Variants in RAPGEF2 observed in about 807,000 individuals in gnomAD.
RAPGEF2 encodes the protein Rap guanine nucleotide exchange factor 2.
A neutral mutation model predicts 186.7 loss-of-function variants in RAPGEF2; 54 were observed. The observed-to-expected ratio is 0.29, with a 90% CI of 0.23 to 0.36. RAPGEF2 has a LOEUF of 0.36. RAPGEF2 is among the 10% of genes least tolerant of loss of function. The pLI, the probability that RAPGEF2 is intolerant of heterozygous loss-of-function variation, is 1.00. For synonymous variants in RAPGEF2, 712 were observed against 705.9 expected (o/e 1.01, Z -0.14); for missense variants, 1,532 against 2,045.0 (o/e 0.75, Z 4.84).
rs189821801 is a variant in RAPGEF2 at position 159,202,584 on chromosome 4, A to G, written c.198-7916A>G. ...TTCAACTCTCTTTTCTCTCCTTGTC[A>G]GTCCCCCTTGGCTTTTCTTTCTTTC... On this transcript the variant is annotated intron_variant, in intron 3 of 29. Transcript: ENST00000691494. Among the ~76,000 whole-genome samples, 53 of 152,066 alleles carry G rather than the reference A, an allele frequency of 3.5e-4. No homozygotes were observed. The East Asian group carries it at 8.9e-3, about 26-fold the overall frequency.
intron 1 of RAPGEF2, among the ~76,000 whole-genome samples, chr4:159,178,912 G>C (rs1345642623): frequency 6.6e-6 from 1 of 152,152 alleles, no homozygotes; most frequent in Non-Finnish European, 1.5e-5. Context: ...TGGATAGGTT[G>C]TGAACAATCA....
chr4:159,246,153 A>G (rs543480597), intron 7 of RAPGEF2, among the ~76,000 whole-genome samples: 1 of 152,186 alleles, frequency 6.6e-6, no homozygotes, highest in Non-Finnish European at 1.5e-5. Flanking sequence ...GTCCTTTTCT[A>G]CAGTGTGAAT....
chr4:159,178,080 C>T (rs543350247), intron 1 of RAPGEF2, among the ~76,000 whole-genome samples: 1 of 152,220 alleles, frequency 6.6e-6, no homozygotes, highest in South Asian at 2.1e-4. Flanking sequence ...GTTTCCTTGA[C>T]CATTAAGAAA....
chr4:159,297,219 C>T (rs1193047185), intron 7 of RAPGEF2, among the ~76,000 whole-genome samples: 3 of 152,140 alleles, frequency 2.0e-5, no homozygotes, highest in Admixed American at 6.5e-5. Flanking sequence ...TAGCAAGGAA[C>T]GTTTGAAATG....
intron 7 of RAPGEF2, among the ~76,000 whole-genome samples, chr4:159,281,473 C>G (rs187428084): frequency 6.6e-6 from 1 of 151,234 alleles, no homozygotes; most frequent in South Asian, 2.1e-4. Context: ...AGTTCAAGAC[C>G]AGCCTGGCCA....
chr4:159,227,350 A>G (rs1752148062), intron 4 of RAPGEF2, among the ~76,000 whole-genome samples: 1 of 152,252 alleles, frequency 6.6e-6, no homozygotes. Context: ...TTTATAAAAA[A>G]TAAGGTCATT....
chr4:159,133,853 G>C (rs932446511), intron 1 of RAPGEF2, among the ~76,000 whole-genome samples: 1 of 152,168 alleles, frequency 6.6e-6, no homozygotes, highest in African/African-American at 2.4e-5. Context: ...AAAGTCCTGG[G>C]ATTACAGGCG....
intron 3 of RAPGEF2, among the ~76,000 whole-genome samples, chr4:159,203,966 C>G (rs1432666624): frequency 1.3e-5 from 2 of 152,208 alleles, no homozygotes. Flanking sequence ...TGCTCCAGAA[C>G]CTGCGCTCTT....
intron 2 of RAPGEF2, among the ~76,000 whole-genome samples, chr4:159,188,248 A>G (rs762038216): frequency 2.6e-5 from 4 of 152,256 alleles, no homozygotes; most frequent in African/African-American, 7.2e-5. Flanking sequence ...CCCACTGTGC[A>G]CATAAAACCA....
At chr4:159,115,553 ATT>A (rs11338190) in intron 1 of RAPGEF2, among the ~76,000 whole-genome samples, 3,724 of 150,182 alleles carry the variant, frequency 0.025, 141 homozygotes, top group African/African-American at 0.084. Flanking sequence ...TAAGTTTCTG[ATT>A]TTTTTTTTTT....
intron 11 of RAPGEF2, among the ~76,000 whole-genome samples, chr4:159,324,979 C>T (rs959428250): frequency 6.6e-6 from 1 of 152,088 alleles, no homozygotes; most frequent in Non-Finnish European, 1.5e-5. Flanking sequence ...GTTTGAAAAA[C>T]ATCTGAATAT....
intron 4 of RAPGEF2, among the ~76,000 whole-genome samples, chr4:159,230,142 C>T (rs1752475523): frequency 6.6e-6 from 1 of 152,162 alleles, no homozygotes; most frequent in South Asian, 2.1e-4. Context: ...AGAAGACTAT[C>T]AGCATTCTTA....
chr4:159,315,513 A>G (rs1373233242), intron 9 of RAPGEF2, among the ~76,000 whole-genome samples: 1 of 152,104 alleles, frequency 6.6e-6, no homozygotes. Context: ...ACAAAGAGAT[A>G]AAAGAAAAGG....
intron 4 of RAPGEF2, among the ~76,000 whole-genome samples, chr4:159,236,560 T>C (rs1753283311): frequency 6.6e-6 from 1 of 152,232 alleles, no homozygotes; most frequent in Non-Finnish European, 1.5e-5. Flanking sequence ...GAACAGTGTA[T>C]ACATTACAAA....
intron 17 of RAPGEF2, among the ~76,000 whole-genome samples, chr4:159,337,910 A>AAAAAAAAAAAAAAAAAAAAAAAAAAAAC (rs1767681602): frequency 7.0e-6 from 1 of 143,108 alleles, no homozygotes; most frequent in Non-Finnish European, 1.5e-5. Context: ...AAAAAAAAAA[A>AAAAAAAAAAAAAAAAAAAAAAAAAAAAC]AAAGAAAGAA....
At chr4:159,191,610 G>C (rs576122469) in intron 2 of RAPGEF2, among the ~76,000 whole-genome samples, 1 of 152,024 alleles carries the variant, frequency 6.6e-6, no homozygotes, top group East Asian at 1.9e-4. Flanking sequence ...GTGGTGGCGC[G>C]CAACGATAGT....
intron 7 of RAPGEF2, chr4:159,268,039 C>G: frequency 6.9e-7 from 1 of 1,459,008 alleles, no homozygotes; most frequent in Non-Finnish European, 9.0e-7. Flanking sequence ...GCTTGGTTTT[C>G]CCTCCTCCCT....
Position 159,324,551 on chromosome 4 carries a change from T to C in RAPGEF2, c.1149+934T>C, listed in dbSNP as rs58055408. 8.5e-3 allele frequency among the ~76,000 whole-genome samples: 1,299 copies of C among 152,284 alleles called. 13 individuals are homozygous for C. Among genetic ancestry groups the C allele is most frequent in the African/African-American group, 0.028 (1,181 of 41,554 alleles). The stretch of plus-strand genomic sequence containing the variant: ...AGTAAATACATTAATAAAAGTGATA[T>C]GAAATAGTTATGCAGTGTTTTTATT... On this transcript the variant is annotated intron_variant, in intron 11 of 29. Transcript: ENST00000691494.
At chr4:159,104,534 C>CAGAGAGAGACAG (rs1737624665) in intron 1 of RAPGEF2, among the ~76,000 whole-genome samples, 2 of 62,428 alleles carry the variant, frequency 3.2e-5, no homozygotes, top group African/African-American at 1.1e-4. Context: ...GAGGGAGAGA[C>CAGAGAGAGACAG]AGAGAGAGAG....
Sources: gnomAD v4.1 joint callset for allele counts (sites outside exome capture counted in the v4.1 genomes callset) on GRCh38, gnomAD v4.1.1 for gene constraint, MANE v1.5 for transcripts, NCBI Gene and HGNC (gene_info 2026-07-23, HGNC 2026-07-21) for gene names.